Variants in PCDHGB3 observed in about 807,000 individuals in gnomAD.
PCDHGB3 encodes the protein protocadherin gamma subfamily B, 3.
A neutral mutation model predicts 59.2 loss-of-function variants in PCDHGB3; 40 were observed. The ratio of observed to expected loss-of-function variants is 0.68; its 90% CI spans 0.52 to 0.88. PCDHGB3 has a LOEUF of 0.88. PCDHGB3 is among the 40% of genes least tolerant of loss of function. The probability of loss-of-function intolerance (pLI) is 0.00; values close to 1 mark genes in which losing one functional copy is unlikely to be tolerated. For missense variants in PCDHGB3, 1,309 were observed against 1,187.9 expected (o/e 1.10, Z -1.50); for synonymous variants, 581 against 503.6 (o/e 1.15, Z -2.06).
chr5:141,374,968 T>C, intron 1 of PCDHGB3: 2 of 1,614,056 alleles, frequency 1.2e-6, no homozygotes, highest in Non-Finnish European at 8.5e-7. Flanking sequence ...TCTGTTTGAA[T>C]GTTTTGACTG....
chr5:141,489,088 G>GCCAA lies in PCDHGB3; in HGVS notation c.2416-5719_2416-5718insCCAA. The GCCAA allele has an allele frequency of 2.9e-6, 1 of 347,240 alleles. No individual in the cohort carries two copies. Among genetic ancestry groups the GCCAA allele is most frequent in the Non-Finnish European group, 5.0e-6 (1 of 200,708 alleles). The allele number at this position is 347,240 out of a possible 1,614,324, so 21.5% of individuals were successfully genotyped here. A position where few individuals can be genotyped will look rare whatever the true frequency, so the allele number is the denominator to read the frequency against. ...CCCCTGCCCACCCCCGCCACTCGGT[G>GCCAA]ACTAAGAACTGCTGCAAGCAGGCAA... On this transcript the variant is annotated intron_variant, in intron 1 of 3. Transcript: ENST00000576222. This position sits in a 1 kb window ranked among gnomAD's most constrained non-coding sequence, Gnocchi z 4.5.
chr5:141,398,803 A>C (rs551301850), intron 1 of PCDHGB3: 2 of 1,613,960 alleles, frequency 1.2e-6, no homozygotes, highest in African/African-American at 2.7e-5. Context: ...AAGCGGCACC[A>C]CTGAGCTCCG....
At chr5:141,416,993 C>T (rs1230909560) in intron 1 of PCDHGB3, 1 of 151,494 alleles carries the variant, frequency 6.6e-6, no homozygotes, top group Non-Finnish European at 1.5e-5. Context: ...ATTGTGCATT[C>T]ATCTCAAATA....
rs764957747 is a variant in PCDHGB3, at chr5:141,505,453, G to A, written c.2535G>A (p.Leu845=). Residue 845 remains leucine (L), a synonymous_variant, in exon 3 of 4, where the codon CTG becomes CTA. Coordinates refer to ENST00000576222, the MANE Select transcript of PCDHGB3 (RefSeq NM_018924.5). ...ACAACCAGTTTGACACAGAGATGCT[G>A]CAAGCCATGATCTTGGCGTCCGCCA... ...WPNNQFDTEM[L]QAMILASASE... 3 of 1,614,190 alleles carry A rather than the reference G, an allele frequency of 1.9e-6. No individual in the cohort carries two copies. Among genetic ancestry groups the A allele is most frequent in the Non-Finnish European group, 2.5e-6 (3 of 1,180,012 alleles).
chr5:141,388,509 C>T, intron 1 of PCDHGB3: 13 of 1,613,810 alleles, frequency 8.1e-6, no homozygotes, highest in Non-Finnish European at 1.1e-5. Flanking sequence ...GAAATCCTAC[C>T]ACTTGACTTT....
At chr5:141,467,361 G>T (rs555435172) in intron 1 of PCDHGB3, among the ~76,000 whole-genome samples, 2 of 151,742 alleles carry the variant, frequency 1.3e-5, no homozygotes, top group Non-Finnish European at 2.9e-5. Flanking sequence ...CCAAATCAAC[G>T]TTTTCTTATA....
chr5:141,375,606 A>C, intron 1 of PCDHGB3: 1 of 1,613,922 alleles, frequency 6.2e-7, no homozygotes, highest in Non-Finnish European at 8.5e-7. Context: ...GTGTCCATCA[A>C]CTCCGACACT....
chr5:141,383,308 G>A, intron 1 of PCDHGB3: 1 of 1,613,976 alleles, frequency 6.2e-7, no homozygotes, highest in Non-Finnish European at 8.5e-7. Context: ...CTTGACGGAA[G>A]AAATAAATGT....
chr5:141,414,463 G>T, intron 1 of PCDHGB3: 1 of 1,613,932 alleles, frequency 6.2e-7, no homozygotes. Flanking sequence ...GACAGCCACA[G>T]ATGGGGGAAG....
At chr5:141,420,289 AT>A in intron 1 of PCDHGB3, 1 of 1,497,936 alleles carries the variant, frequency 6.7e-7, no homozygotes, top group Non-Finnish European at 9.0e-7. Flanking sequence ...GTATTTAAAA[AT>A]GTATTTAATC....
intron 1 of PCDHGB3, chr5:141,427,753 T>A (rs745532152): frequency 4.5e-6 from 6 of 1,322,510 alleles, no homozygotes; most frequent in Non-Finnish European, 6.4e-6. Flanking sequence ...TACTCCATCG[T>A]TACCACTGAC....
In PCDHGB3 at chr5:141,372,748, C is replaced by T. The variant is rs771861396; in HGVS notation, c.2354C>T (p.Ala785Val). The T allele has an allele frequency of 1.2e-6, 2 of 1,613,132 alleles. No individual in the cohort carries two copies. The highest frequency in any genetic ancestry group is 2.2e-5 in the East Asian group (1 of 44,866). ...CCACAAGATCTTCTATGTGATGAAG[C>T]CTCTTGGTTTGAAAGTAATGACAAT... The part of the protein sequence containing the change: ...AAPQDLLCDE[A>V]SWFESNDNPE... Residue 785 changes from alanine to valine, a missense_variant, in exon 1 of 4, where the codon GCC becomes GTC. Coordinates refer to ENST00000576222, the MANE Select transcript of PCDHGB3 (RefSeq NM_018924.5).
At chr5:141,467,285 T>G (rs6870144) in intron 1 of PCDHGB3, among the ~76,000 whole-genome samples, 42,564 of 152,010 alleles carry the variant, frequency 0.28, 6,785 homozygotes, top group African/African-American at 0.45. Context: ...ACTCTTGACC[T>G]CAAGTGATCC....
chr5:141,397,353 AG>A (rs556761818), intron 1 of PCDHGB3, among the ~76,000 whole-genome samples: 31 of 152,340 alleles, frequency 2.0e-4, no homozygotes, highest in Non-Finnish European at 2.9e-4. Flanking sequence ...TAATATAGTC[AG>A]GAAGAGGAGA....
At chr5:141,390,123 C>T in intron 1 of PCDHGB3, 1 of 1,614,008 alleles carries the variant, frequency 6.2e-7, no homozygotes, top group Non-Finnish European at 8.5e-7. Context: ...GGGGACTTTG[C>T]CTTATTCCTA....
rs61612330 is a variant in PCDHGB3, at chr5:141,454,796, A to ATTTTTTTTTTTTTTTTTTTTTTTTTT, written c.2416-40007_2416-39982dup. Among the ~76,000 whole-genome samples, 3 of 77,456 alleles carry ATTTTTTTTTTTTTTTTTTTTTTTTTT rather than the reference A, an allele frequency of 3.9e-5. 1 individual carries two copies. The highest frequency in any genetic ancestry group is 1.2e-4 in the African/African-American group (2 of 16,882). 50.8% of individuals were successfully genotyped at this position (77,456 alleles called of 152,430 possible). A position where few individuals can be genotyped will look rare whatever the true frequency, so the allele number is the denominator to read the frequency against. On this transcript the variant is annotated intron_variant, in intron 1 of 3. Transcript: ENST00000576222. Reference sequence around the variant, plus strand: ...AAGGAAATAATCCTCCATGGTTCTAATTTTTTTTTTTTTTTTTTTTTTTTT... The same window carrying ATTTTTTTTTTTTTTTTTTTTTTTTTT: ...AAGGAAATAATCCTCCATGGTTCTAATTTTTTTTTTTTTTTTTTTTTTTTTTTTTTTTTTTTTTTTTTTTTTTTTTT...
Position 141,485,739 on chromosome 5 carries a change from G to A in PCDHGB3, c.2416-9068G>A. 6.2e-7 allele frequency: 1 copy of A among 1,614,234 alleles called. No individual in the cohort carries two copies. Among genetic ancestry groups the A allele is most frequent in the Non-Finnish European group, 8.5e-7 (1 of 1,180,042 alleles). ...GATGTGAAGAAGCGCAGCGACGGCA[G>A]CCTGGTCCCAGAGCTGCTCCTGGAG... On this transcript the variant is annotated intron_variant, in intron 1 of 3. Transcript: ENST00000576222. The surrounding 1 kb of genome is among the most constrained non-coding windows in gnomAD (Gnocchi z 5.7).
chr5:141,413,895 T>A (rs749075692), intron 1 of PCDHGB3: 2 of 1,613,308 alleles, frequency 1.2e-6, no homozygotes, highest in South Asian at 2.2e-5. Flanking sequence ...TCGATGCAAA[T>A]GACAACGCGC....
At chr5:141,469,790 T>G (rs956670031) in intron 1 of PCDHGB3, among the ~76,000 whole-genome samples, 2 of 152,224 alleles carry the variant, frequency 1.3e-5, no homozygotes, top group African/African-American at 4.8e-5. Context: ...GCGTTATTTG[T>G]AATTGCAAAA....
Sources: gnomAD v4.1 joint callset for allele counts (sites outside exome capture counted in the v4.1 genomes callset) on GRCh38, gnomAD v4.1.1 for gene constraint, Gnocchi (gnomAD v3.1) non-coding constraint, MANE v1.5 for transcripts, NCBI Gene and HGNC (gene_info 2026-07-23, HGNC 2026-07-21) for gene names.